Variants in ANKH observed in about 807,000 individuals in gnomAD.
The protein encoded by ANKH is ANKH inorganic pyrophosphate transport regulator.
Under a neutral mutation model 49.0 loss-of-function variants are expected in ANKH, and 15 were observed. The observed-to-expected ratio is 0.31, with a 90% CI of 0.20 to 0.47. The LOEUF (loss-of-function observed/expected upper bound fraction) is 0.47. ANKH is among the 20% of genes least tolerant of loss of function. The probability of loss-of-function intolerance (pLI) is 1.00; values close to 1 mark genes in which losing one functional copy is unlikely to be tolerated. For synonymous variants in ANKH, 273 were observed against 260.0 expected, an observed-to-expected ratio of 1.05 and a Z score of -0.48; for missense variants, 429 against 652.0, an observed-to-expected ratio of 0.66 and a Z score of 3.72.
chr5:14,797,196 CA>C (rs1380117810), intron 1 of ANKH: 2 of 1,338,762 alleles, frequency 1.5e-6, no homozygotes, highest in Admixed American at 3.4e-5. Flanking sequence ...TGCCATTTGC[CA>C]CACTTGCATG....
chr5:14,776,955 T>A (rs927718290), intron 1 of ANKH, among the ~76,000 whole-genome samples: 1 of 152,192 alleles, frequency 6.6e-6, no homozygotes, highest in Admixed American at 6.5e-5. Context: ...CTCTACACAA[T>A]GGGCACTTAG....
At chr5:14,749,121 C>T in intron 6 of ANKH, 51 bp downstream of exon 6, 2 of 1,613,196 alleles carry the variant, frequency 1.2e-6, no homozygotes, top group Non-Finnish European at 8.5e-7. Flanking sequence ...TCAGCACCCC[C>T]CTGCCCCACC....
chr5:14,751,135 G>A lies in ANKH; in HGVS notation c.621C>T (p.Thr207=). 6.2e-7 allele frequency: 1 copy of A among 1,614,242 alleles called. No homozygotes were observed. ...TGTTCTTGTAGTAGCCCAGGCACAG[G>A]GTGGTGCAGCGCACAAGTGCGCCCA... is the stretch of plus-strand genomic sequence containing the variant. ...LYMGALVRCT[T]LCLGYYKNIH... is the part of the protein sequence containing the mutation. Residue 207 remains threonine (T), a synonymous_variant, in exon 5 of 12, where the codon ACC becomes ACT. Transcript: ENST00000284268.
chr5:14,777,889 T>TA (rs1739679303), intron 1 of ANKH, among the ~76,000 whole-genome samples: 1 of 152,088 alleles, frequency 6.6e-6, no homozygotes, highest in South Asian at 2.1e-4. Context: ...AGTAACAGAG[T>TA]GGTCCCCTAG....
intron 1 of ANKH, among the ~76,000 whole-genome samples, chr5:14,802,269 A>C (rs912038730): frequency 2.0e-5 from 3 of 151,874 alleles, no homozygotes; most frequent in Non-Finnish European, 4.4e-5. Flanking sequence ...CTTCTCACCG[A>C]GACTTGGCAT....
intron 8 of ANKH, among the ~76,000 whole-genome samples, chr5:14,738,677 C>T (rs932531363): frequency 6.6e-6 from 1 of 151,796 alleles, no homozygotes; most frequent in Non-Finnish European, 1.5e-5. Flanking sequence ...GCCTCTAATC[C>T]CAGCATTTTA....
At chr5:14,732,268 G>T (rs1250674951) in intron 8 of ANKH, among the ~76,000 whole-genome samples, 2 of 152,092 alleles carry the variant, frequency 1.3e-5, no homozygotes, top group Non-Finnish European at 2.9e-5. Flanking sequence ...CTGTGCCTGG[G>T]ACTGGGAGGC....
intron 1 of ANKH, among the ~76,000 whole-genome samples, chr5:14,839,794 T>C (rs1741765961): frequency 6.6e-6 from 1 of 152,200 alleles, no homozygotes; most frequent in Non-Finnish European, 1.5e-5. Context: ...CTTTGTGCAT[T>C]TGAGGGTGTC....
chr5:14,857,674 A>G lies in ANKH; in HGVS notation c.96+13678T>C, dbSNP rs116204865. Among the ~76,000 whole-genome samples the G allele has an allele frequency of 3.6e-3, 546 of 152,320 alleles. 1 individual carries two copies. The highest frequency in any genetic ancestry group is 0.013 in the African/African-American group (528 of 41,568). ...ATCTCAAAAAAAAGAAAAAGAAAAA[A>G]AAACTTAATAGATCTCTCAGCATTA... On this transcript the variant is annotated intron_variant, in intron 1 of 11. Coordinates refer to ENST00000284268, the MANE Select transcript of ANKH (RefSeq NM_054027.6).
chr5:14,823,858 A>T (rs1269891367), intron 1 of ANKH, among the ~76,000 whole-genome samples: 1 of 152,188 alleles, frequency 6.6e-6, no homozygotes, highest in Admixed American at 6.5e-5. Context: ...TGAACCTAGG[A>T]GGTGGAGGTT....
At chr5:14,839,648 T>A (rs1741761741) in intron 1 of ANKH, among the ~76,000 whole-genome samples, 1 of 152,180 alleles carries the variant, frequency 6.6e-6, no homozygotes, top group Non-Finnish European at 1.5e-5. Context: ...AAATCAAGAC[T>A]ACCAAAGCTC....
At chr5:14,724,640 C>A (rs1737769038) in intron 8 of ANKH, 2 of 939,072 alleles carry the variant, frequency 2.1e-6, no homozygotes. Context: ...TGCTTCCTCA[C>A]TTGCAGAGTG....
intron 1 of ANKH, among the ~76,000 whole-genome samples, chr5:14,822,983 G>A (rs1181560741): frequency 4.0e-5 from 6 of 151,222 alleles, no homozygotes; most frequent in East Asian, 3.9e-4. Flanking sequence ...GCAGTGAGCC[G>A]AGATCACGCC....
chr5:14,839,357 A>C (rs1741751174), intron 1 of ANKH, among the ~76,000 whole-genome samples: 1 of 152,210 alleles, frequency 6.6e-6, no homozygotes, highest in Non-Finnish European at 1.5e-5. Flanking sequence ...CGATAAGTTA[A>C]AACTTCATAA....
At chr5:14,856,546 C>G (rs113569529) in intron 1 of ANKH, among the ~76,000 whole-genome samples, 5 of 151,842 alleles carry the variant, frequency 3.3e-5, no homozygotes, top group Admixed American at 3.3e-4. Context: ...ATCAGCTTGC[C>G]CCATTGATAC....
At chr5:14,809,335 T>TAAAAAAAA (rs36119317) in intron 1 of ANKH, among the ~76,000 whole-genome samples, 48 of 80,794 alleles carry the variant, frequency 5.9e-4, no homozygotes, top group Non-Finnish European at 8.3e-4. Context: ...TAGAGTATAA[T>TAAAAAAAA]AAAAAAAAAA....
chr5:14,771,921 G>GGAA (rs1739445919), intron 1 of ANKH, among the ~76,000 whole-genome samples: 1 of 53,384 alleles, frequency 1.9e-5, no homozygotes, highest in African/African-American at 6.9e-5. Flanking sequence ...CTCAAAAAAA[G>GGAA]AAAAAAAAAA....
chr5:14,821,659 T>C (rs1741199419), intron 1 of ANKH, among the ~76,000 whole-genome samples: 1 of 152,196 alleles, frequency 6.6e-6, no homozygotes, highest in South Asian at 2.1e-4. Context: ...GGAAAAAGCT[T>C]GATACAGTAA....
In ANKH at chr5:14,848,617, C is replaced by T. The variant is rs368514283; in HGVS notation, c.96+22735G>A. 1.1e-4 allele frequency among the ~76,000 whole-genome samples: 17 copies of T among 152,318 alleles called. No homozygotes were observed. In the East Asian group the frequency reaches 2.3e-3, roughly 21 times the overall value. On this transcript the variant is annotated intron_variant, in intron 1 of 11. Transcript: ENST00000284268. The stretch of plus-strand genomic sequence containing the variant: ...CCACTGCGCCTCTGATCCAGCTAGG[C>T]GCCCACTGCCGCTCCCGATCGGGCT...
Sources: allele counts gnomAD v4.1 joint callset (sites outside exome capture counted in the v4.1 genomes callset), GRCh38; gene constraint gnomAD v4.1.1; transcripts MANE v1.5; gene names NCBI Gene and HGNC (gene_info 2026-07-23, HGNC 2026-07-21).